Variants in CACUL1 observed in about 807,000 individuals in gnomAD.
CACUL1 encodes the protein CDK2 associated cullin domain 1, also known as CDK2-associated and cullin domain-containing protein 1.
CACUL1 carries 13 observed loss-of-function variants against 45.2 expected under a neutral mutation model. The observed-to-expected ratio is 0.29, with a 90% CI of 0.19 to 0.46. The LOEUF (loss-of-function observed/expected upper bound fraction) is 0.46, where lower values mean the gene tolerates loss of function less well. CACUL1 is among the 20% of genes least tolerant of loss of function. The pLI is 1.00. For synonymous variants in CACUL1, 197 were observed against 174.2 expected (o/e 1.13, Z -1.03); for missense variants, 421 against 471.4 (o/e 0.89, Z 0.99).
chr10:118,744,415 A>C (rs1845822005), intron 1 of CACUL1, among the ~76,000 whole-genome samples: 1 of 152,010 alleles, frequency 6.6e-6, no homozygotes, highest in East Asian at 1.9e-4. Context: ...AACAAAAAAA[A>C]CAAAGATCTG....
chr10:118,731,282 C>G (rs1355958197), intron 1 of CACUL1, among the ~76,000 whole-genome samples: 1 of 152,154 alleles, frequency 6.6e-6, no homozygotes, highest in Non-Finnish European at 1.5e-5. Context: ...TTTTACCAGA[C>G]TAGGAAGCAG....
intron 3 of CACUL1, among the ~76,000 whole-genome samples, chr10:118,711,968 G>A (rs1485515903): frequency 6.6e-6 from 1 of 152,158 alleles, no homozygotes; most frequent in Non-Finnish European, 1.5e-5. Context: ...ATACACTCTA[G>A]GCCCCATTGG....
chr10:118,708,147 C>CAAAAAAAA (rs34008762), intron 3 of CACUL1, among the ~76,000 whole-genome samples: 1 of 104,024 alleles, frequency 9.6e-6, no homozygotes, highest in Non-Finnish European at 1.8e-5. Flanking sequence ...AACACTGTCT[C>CAAAAAAAA]AAAAAAAAAA....
chr10:118,714,815 T>C (rs781097181), intron 3 of CACUL1, among the ~76,000 whole-genome samples: 36 of 152,210 alleles, frequency 2.4e-4, no homozygotes, highest in Non-Finnish European at 4.7e-4. Flanking sequence ...ACATTCTTAA[T>C]GAAAATGGCT....
chr10:118,754,915 C>G lies in CACUL1; in HGVS notation c.-153G>C. ...GCGGTGCGCAGGGTCTCTCGCTCTC[C>G]GCGGGGCCGACTAGCTTGAAGACGC... On this transcript the variant is annotated 5_prime_UTR_variant, in exon 1 of 9. Coordinates refer to ENST00000369151, the MANE Select transcript of CACUL1 (RefSeq NM_153810.5). 5 of 1,091,986 alleles carry G rather than the reference C, an allele frequency of 4.6e-6. No individual in the cohort carries two copies. Among genetic ancestry groups the G allele is most frequent in the Non-Finnish European group, 6.3e-6 (5 of 796,602 alleles). The allele number at this position is 1,091,986 out of a possible 1,614,324, so 67.6% of individuals were successfully genotyped here. A position where few individuals can be genotyped will look rare whatever the true frequency, so the allele number is the denominator to read the frequency against.
At chr10:118,722,398 A>C (rs1845609919) in intron 3 of CACUL1, among the ~76,000 whole-genome samples, 1 of 151,968 alleles carries the variant, frequency 6.6e-6, no homozygotes, top group Non-Finnish European at 1.5e-5. Flanking sequence ...CACAATTCTT[A>C]AATTTTAAAC....
Position 118,684,633 on chromosome 10 carries a change from T to C in CACUL1, c.*1495A>G, listed in dbSNP as rs1056806076. ...TTTTACAAATCAAGGACTTCAATTA[T>C]TGGGTGACTTACTTGCTCCCAATAT... is the stretch of plus-strand genomic sequence containing the variant. On this transcript the variant is annotated 3_prime_UTR_variant, in exon 9 of 9. Coordinates refer to ENST00000369151, the MANE Select transcript of CACUL1 (RefSeq NM_153810.5). The C allele has an allele frequency of 5.3e-5, 8 of 152,220 alleles. No homozygotes were observed. The highest frequency in any genetic ancestry group is 1.4e-4 in the African/African-American group (6 of 41,458). The allele number at this position is 152,220 out of a possible 1,614,324, so 9.4% of individuals were successfully genotyped here. A position where few individuals can be genotyped will look rare whatever the true frequency, so the allele number is the denominator to read the frequency against.
At chr10:118,732,389 G>A (rs904832998) in intron 1 of CACUL1, among the ~76,000 whole-genome samples, 11 of 152,182 alleles carry the variant, frequency 7.2e-5, no homozygotes, top group Admixed American at 5.2e-4. Context: ...AAGACTGCAC[G>A]AAAAGCTTAG....
chr10:118,724,119 T>A (rs1352815498), intron 3 of CACUL1, among the ~76,000 whole-genome samples: 2 of 152,166 alleles, frequency 1.3e-5, no homozygotes, highest in Non-Finnish European at 2.9e-5. Flanking sequence ...ATGAGAAGGC[T>A]AGTCTTTATT....
intron 3 of CACUL1, among the ~76,000 whole-genome samples, chr10:118,728,034 GAAGA>G (rs1369604300): frequency 2.0e-5 from 3 of 152,126 alleles, no homozygotes; most frequent in South Asian, 2.1e-4. Flanking sequence ...GCAAAAAGAT[GAAGA>G]AAGAAATTTA....
chr10:118,707,085 CAG>C (rs758166950), intron 4 of CACUL1, among the ~76,000 whole-genome samples: 17 of 152,220 alleles, frequency 1.1e-4, no homozygotes, highest in Admixed American at 4.6e-4. Context: ...CCAAATAAAA[CAG>C]ATCATCAGAA....
chr10:118,726,568 C>T (rs890210496), intron 3 of CACUL1, among the ~76,000 whole-genome samples: 11 of 152,048 alleles, frequency 7.2e-5, no homozygotes, highest in Admixed American at 6.5e-5. Flanking sequence ...ATAGTCTGTT[C>T]GGTTTTGAGA....
At chr10:118,754,246 G>T in intron 1 of CACUL1, 150 bp downstream of exon 1, 1 of 1,204,226 alleles carries the variant, frequency 8.3e-7, no homozygotes, top group Non-Finnish European at 1.1e-6. Flanking sequence ...ACGGTGAGGG[G>T]GAAGGAGGCA....
At chr10:118,718,444 G>T (rs1845567733) in intron 3 of CACUL1, among the ~76,000 whole-genome samples, 1 of 152,310 alleles carries the variant, frequency 6.6e-6, no homozygotes, top group Middle Eastern at 3.4e-3. Context: ...ATTAAGTACA[G>T]TTGTTTTGAA....
At chr10:118,686,425 C>T (rs1380794504) in intron 8 of CACUL1, among the ~76,000 whole-genome samples, 173 bp downstream of exon 8, 1 of 152,168 alleles carries the variant, frequency 6.6e-6, no homozygotes, top group East Asian at 1.9e-4. Context: ...TGAGAACCAT[C>T]GCTACCAGCT....
chr10:118,698,131 C>T (rs1392723531), intron 5 of CACUL1, among the ~76,000 whole-genome samples: 2 of 150,524 alleles, frequency 1.3e-5, no homozygotes, highest in African/African-American at 2.4e-5. Context: ...CCAAATTCTT[C>T]TGACAAACCT....
intron 5 of CACUL1, among the ~76,000 whole-genome samples, chr10:118,696,196 A>ATAGT (rs1023998098): frequency 6.6e-6 from 1 of 152,178 alleles, no homozygotes; most frequent in African/African-American, 2.4e-5. Flanking sequence ...TCATCAGTAG[A>ATAGT]TAGTTACAAT....
At chr10:118,709,665 T>G (rs1845465869) in intron 3 of CACUL1, among the ~76,000 whole-genome samples, 1 of 152,234 alleles carries the variant, frequency 6.6e-6, no homozygotes, top group African/African-American at 2.4e-5. Flanking sequence ...AAATGCCACA[T>G]GGAAGGATTC....
chr10:118,723,282 C>T (rs1845618507), intron 3 of CACUL1, among the ~76,000 whole-genome samples: 1 of 152,054 alleles, frequency 6.6e-6, no homozygotes, highest in Admixed American at 6.6e-5. Flanking sequence ...GTATCCTTGT[C>T]ACATTATAGT....
Sources: allele counts gnomAD v4.1 joint callset (sites outside exome capture counted in the v4.1 genomes callset), GRCh38; gene constraint gnomAD v4.1.1; transcripts MANE v1.5; gene names NCBI Gene and HGNC (gene_info 2026-07-23, HGNC 2026-07-21).